CLTC: variants seen among roughly 807,000 people sequenced by gnomAD.
The protein encoded by CLTC is clathrin heavy chain 1.
A neutral mutation model predicts 195.8 loss-of-function variants in CLTC; 16 were observed. The ratio of observed to expected loss-of-function variants is 0.08; its 90% CI spans 0.06 to 0.12. The LOEUF (loss-of-function observed/expected upper bound fraction) is 0.12, where lower values mean the gene tolerates loss of function less well. Among genes scored for constraint, CLTC ranks in the 10% least tolerant of loss-of-function variants. The pLI is 1.00. For missense variants in CLTC, 796 were observed against 2,027.0 expected, an observed-to-expected ratio of 0.39 and a Z score of 11.66; for synonymous variants, 667 against 689.4, an observed-to-expected ratio of 0.97 and a Z score of 0.51.
rs1331335392 is a variant in CLTC, at chr17:59,695,555, G to A, written c.*1703G>A. ...ATAAGATCCTAGCTGCTACTCAGGA[G>A]GCAGGAGGCTGAGGCATGAGAATCA... On this transcript the variant is annotated 3_prime_UTR_variant, in exon 32 of 32. Transcript: ENST00000269122. The A allele has an allele frequency of 3.9e-5, 7 of 177,966 alleles. No individual in the cohort carries two copies. In the East Asian group the frequency reaches 6.7e-4, roughly 17 times the overall value. 11.0% of individuals were successfully genotyped at this position (177,966 alleles called of 1,614,324 possible). A position where few individuals can be genotyped will look rare whatever the true frequency, so the allele number is the denominator to read the frequency against.
At chr17:59,637,730 G>A (rs955928387) in intron 1 of CLTC, among the ~76,000 whole-genome samples, 16 of 150,532 alleles carry the variant, frequency 1.1e-4, no homozygotes, top group African/African-American at 3.9e-4. Flanking sequence ...GCTGGGCATG[G>A]TGGCGTATGG....
chr17:59,674,678 C>A (rs1453611436), intron 15 of CLTC, 23 bp from the exon 16 acceptor site: 1 of 1,593,962 alleles, frequency 6.3e-7, no homozygotes, highest in Non-Finnish European at 8.6e-7. Flanking sequence ...TAATAACATT[C>A]TTCTACTTCT....
intron 31 of CLTC, 27 bp downstream of exon 31, chr17:59,690,738 A>C (rs200367944): frequency 3.9e-6 from 6 of 1,524,412 alleles, no homozygotes; most frequent in Non-Finnish European, 5.4e-6. Context: ...ACCTCAAAAA[A>C]TTCATTAGAC....
chr17:59,634,057 C>T (rs761093872), intron 1 of CLTC, among the ~76,000 whole-genome samples: 1 of 152,116 alleles, frequency 6.6e-6, no homozygotes, highest in Non-Finnish European at 1.5e-5. Context: ...TACAGGTGCA[C>T]ACCACCACGC....
chr17:59,632,244 T>G (rs1229547899), intron 1 of CLTC, among the ~76,000 whole-genome samples: 1 of 151,728 alleles, frequency 6.6e-6, no homozygotes, highest in African/African-American at 2.4e-5. Flanking sequence ...GGCGGGTGCC[T>G]GTAGTCCCAG....
rs1366554413 is a variant in CLTC at position 59,677,205 on chromosome 17, G to A, written c.2796+17G>A. On this transcript the variant is annotated intron_variant, in intron 17 of 31. Transcript: ENST00000269122. The stretch of plus-strand genomic sequence containing the variant: ...CTTATTAATGTGAGTACTGCTAGCT[G>A]AATATGTAGAGAAGCTGCATTTTTA... The A allele has an allele frequency of 1.0e-5, 16 of 1,570,646 alleles. No individual in the cohort carries two copies. The East Asian group carries it at 3.6e-4, about 35-fold the overall frequency.
At chr17:59,663,104 A>T (rs1195120438) in intron 8 of CLTC, among the ~76,000 whole-genome samples, 6 of 152,120 alleles carry the variant, frequency 3.9e-5, no homozygotes, top group Admixed American at 3.9e-4. Flanking sequence ...AAGATTATCG[A>T]CTCTGATACA....
At chr17:59,640,402 C>CTTT (rs879240474) in intron 1 of CLTC, among the ~76,000 whole-genome samples, 1 of 142,148 alleles carries the variant, frequency 7.0e-6, no homozygotes, top group Non-Finnish European at 1.6e-5. Flanking sequence ...ACTTGAAGTT[C>CTTT]TTTTTTTTTT....
chr17:59,683,382 T>C lies in CLTC; in HGVS notation c.4042-5T>C, dbSNP rs1401388486. On this transcript the variant is annotated splice_polypyrimidine_tract_variant and splice_region_variant and intron_variant, in intron 25 of 31. Transcript: ENST00000269122. This position sits in a 1 kb window ranked among gnomAD's most constrained non-coding sequence, Gnocchi z 6.1. ...ATCTAAAGCAATTAAGTCTTTCTTA[T>C]GCAGGTGCTAAGAGCTGCAGAACAA... is the stretch of plus-strand genomic sequence containing the variant. 2.5e-6 allele frequency: 4 copies of C among 1,609,496 alleles called. No individual in the cohort carries two copies. Among genetic ancestry groups the C allele is most frequent in the Non-Finnish European group, 3.4e-6 (4 of 1,178,140 alleles).
chr17:59,683,235 G>C lies in CLTC; in HGVS notation c.4014G>C (p.Leu1338=), dbSNP rs370175760. Residue 1338 remains leucine, a synonymous_variant, in exon 25 of 32, where the codon CTG becomes CTC. Transcript: ENST00000269122. This position sits in a 1 kb window ranked among gnomAD's most constrained non-coding sequence, Gnocchi z 6.1. ...AGAAAATGAGGGAGCACCTGGAGCT[G>C]TTCTGGTCTAGAGTGAATATTCCCA... ...KPQKMREHLE[L]FWSRVNIPKV... 11 of 1,614,012 alleles carry C rather than the reference G, an allele frequency of 6.8e-6. No homozygotes were observed. In the African/African-American group the frequency reaches 1.5e-4, roughly 22 times the overall value.
At chr17:59,629,845 T>C (rs1170223959) in intron 1 of CLTC, among the ~76,000 whole-genome samples, 1 of 150,670 alleles carries the variant, frequency 6.6e-6, no homozygotes, top group Non-Finnish European at 1.5e-5. Context: ...CATAGAAAGA[T>C]AAGAGAAAAA....
intron 1 of CLTC, among the ~76,000 whole-genome samples, chr17:59,640,875 C>T (rs1360941578): frequency 6.6e-6 from 1 of 151,790 alleles, no homozygotes; most frequent in Non-Finnish European, 1.5e-5. Context: ...ATTCCCAGCA[C>T]TTTGGGAGGC....
At chr17:59,671,394 A>G (rs566696470) in intron 14 of CLTC, among the ~76,000 whole-genome samples, 2 of 152,176 alleles carry the variant, frequency 1.3e-5, no homozygotes, top group South Asian at 4.1e-4. Context: ...TACTAGCTAC[A>G]TGATAATTTA....
intron 1 of CLTC, among the ~76,000 whole-genome samples, chr17:59,636,081 C>T (rs1019020967): frequency 1.3e-5 from 2 of 151,862 alleles, no homozygotes; most frequent in African/African-American, 2.4e-5. Flanking sequence ...TTGCTGTGAG[C>T]CGAGATCGTG....
chr17:59,636,322 T>C lies in CLTC; in HGVS notation c.43-7954T>C, dbSNP rs1174261688. Among the ~76,000 whole-genome samples, 4 of 152,170 alleles carry C rather than the reference T, an allele frequency of 2.6e-5. No homozygotes were observed. The East Asian group carries it at 7.7e-4, about 29-fold the overall frequency. The stretch of plus-strand genomic sequence containing the variant: ...TAAGGATGGATACTTTTTTTCCCTT[T>C]CCATTTTCCATATTTACAATCAAAT... On this transcript the variant is annotated intron_variant, in intron 1 of 31. Transcript: ENST00000269122.
At chr17:59,640,643 G>A (rs1009943439) in intron 1 of CLTC, among the ~76,000 whole-genome samples, 6 of 151,248 alleles carry the variant, frequency 4.0e-5, no homozygotes, top group African/African-American at 1.2e-4. Context: ...CGTGATCCAC[G>A]CCCCCTTGGC....
At position 59,664,404 on chromosome 17, in the gene CLTC, G is replaced by A. The variant is rs566860063; in HGVS notation, c.1522-383G>A. 3.9e-5 allele frequency among the ~76,000 whole-genome samples: 6 copies of A among 151,992 alleles called. No homozygotes were observed. The South Asian group carries it at 1.2e-3, about 32-fold the overall frequency. On this transcript the variant is annotated intron_variant, in intron 9 of 31. Coordinates refer to ENST00000269122, the MANE Select transcript of CLTC (RefSeq NM_004859.4). ...TTGTCTTTACTAAAAATACAAAAAA[G>A]TAGCCAGGCGTGGTGGTGTGTCTGT...
At chr17:59,659,247 A>G (rs2032550431) in intron 6 of CLTC, among the ~76,000 whole-genome samples, 1 of 152,052 alleles carries the variant, frequency 6.6e-6, no homozygotes, top group Non-Finnish European at 1.5e-5. Flanking sequence ...GCATATGACT[A>G]GTTCTGCACT....
At chr17:59,644,214 A>G in intron 1 of CLTC, 62 bp from the exon 2 acceptor site, 2 of 1,292,092 alleles carry the variant, frequency 1.5e-6, no homozygotes, top group Non-Finnish European at 2.2e-6. Flanking sequence ...GTTGATGAGC[A>G]TATATGAATG....
Sources: allele counts gnomAD v4.1 joint callset (sites outside exome capture counted in the v4.1 genomes callset), GRCh38; gene constraint gnomAD v4.1.1; non-coding constraint Gnocchi (gnomAD v3.1); transcripts MANE v1.5; gene names NCBI Gene and HGNC (gene_info 2026-07-23, HGNC 2026-07-21).